The following AHI1 variants were observed in gnomAD, a reference collection of about 807,000 sequenced individuals.
The protein encoded by AHI1 is jouberin.
A neutral mutation model predicts 149.3 loss-of-function variants in AHI1; 123 were observed. That is an observed-to-expected ratio of 0.82 (90% CI 0.71 to 0.96). The LOEUF (loss-of-function observed/expected upper bound fraction) is 0.96, where lower values mean the gene tolerates loss of function less well. AHI1 is among the 40% of genes least tolerant of loss of function. AHI1 has a pLI of 0.00. For synonymous variants in AHI1, 475 were observed against 459.8 expected (o/e 1.03, Z -0.42); for missense variants, 1,439 against 1,422.7 (o/e 1.01, Z -0.18).
chr6:135,324,091 A>AG (rs1469284473), intron 24 of AHI1, among the ~76,000 whole-genome samples: 2 of 152,188 alleles, frequency 1.3e-5, no homozygotes, highest in Admixed American at 6.5e-5. Context: ...AGGCCGAGGC[A>AG]GGAGGACTGC....
chr6:135,328,559 A>G (rs957288601), intron 24 of AHI1, among the ~76,000 whole-genome samples: 9 of 152,000 alleles, frequency 5.9e-5, no homozygotes, highest in African/African-American at 2.2e-4. Flanking sequence ...TTCACCAACC[A>G]ACCTCCACCC....
In AHI1 at chr6:135,465,852, C is replaced by G; in HGVS notation, c.711G>C (p.Lys237Asn). The change falls in exon 7 of 29, where the codon AAG (lysine) becomes AAC (asparagine). Residue 237 changes from lysine (K) to asparagine (N), a missense_variant. Physicochemically the swap from Lys to Asn is moderately conservative, Grantham distance 94. Coordinates refer to ENST00000265602, the MANE Select transcript of AHI1 (RefSeq NM_001134831.2). ...DDKLSSEKRK[K>N]KKEVPVFSKA... The stretch of plus-strand genomic sequence containing the variant: ...TAGAGAAGACTGGAACTTCCTTTTT[C>G]TTTTTCCTTTTTTCACTGCTTAGTT... 1 of 1,482,180 alleles carries G rather than the reference C, an allele frequency of 6.7e-7. No homozygotes were observed. Among genetic ancestry groups the G allele is most frequent in the South Asian group, 1.6e-5 (1 of 63,852 alleles). The allele number at this position is 1,482,180 out of a possible 1,614,324, so 91.8% of individuals were successfully genotyped here.
intron 20 of AHI1, among the ~76,000 whole-genome samples, chr6:135,420,058 C>A (rs896811200): frequency 2.6e-5 from 4 of 152,154 alleles, no homozygotes; most frequent in Non-Finnish European, 1.5e-5. Context: ...TCATTCATAT[C>A]TTCAGGCTCT....
intron 23 of AHI1, among the ~76,000 whole-genome samples, chr6:135,391,833 T>C (rs1235198506): frequency 2.6e-5 from 4 of 152,154 alleles, no homozygotes; most frequent in African/African-American, 9.7e-5. Flanking sequence ...GGGAGAAAGA[T>C]TGGCTGAACT....
intron 23 of AHI1, among the ~76,000 whole-genome samples, chr6:135,372,083 C>T (rs1197871418): frequency 6.6e-6 from 1 of 152,216 alleles, no homozygotes; most frequent in Non-Finnish European, 1.5e-5. Context: ...AACTGGCATT[C>T]AGTCCCAGTC....
rs140714853 is a variant in AHI1 at position 135,487,811 on chromosome 6, C to T, written c.135+2812G>A. On this transcript the variant is annotated intron_variant, in intron 5 of 28. Transcript: ENST00000265602. ...ACTCCTTAACCAACTTCTCTTCATC[C>T]CTTCCTCTAAGATCTTAAGATGTTC... Among the ~76,000 whole-genome samples the T allele has an allele frequency of 3.9e-5, 6 of 152,228 alleles. No homozygotes were observed. The East Asian group carries it at 1.2e-3, about 29-fold the overall frequency.
At chr6:135,300,266 A>C (rs1204165185) in intron 27 of AHI1, among the ~76,000 whole-genome samples, 1 of 150,378 alleles carries the variant, frequency 6.6e-6, no homozygotes, top group African/African-American at 2.5e-5. Flanking sequence ...TGGAGGTTGC[A>C]GTGAGCTGAG....
intron 20 of AHI1, among the ~76,000 whole-genome samples, chr6:135,425,234 T>C (rs1355513700): frequency 6.6e-6 from 1 of 152,002 alleles, no homozygotes; most frequent in African/African-American, 2.4e-5. Flanking sequence ...ACTATTTGAA[T>C]ATTTAGATTT....
intron 20 of AHI1, 111 bp from the exon 21 acceptor site, chr6:135,411,655 C>G: frequency 1.2e-6 from 1 of 832,856 alleles, no homozygotes; most frequent in Middle Eastern, 2.9e-4. Context: ...ATCTTAAAAA[C>G]TGGGTAATAA....
chr6:135,404,160 C>T (rs1780418743), intron 22 of AHI1, among the ~76,000 whole-genome samples: 1 of 152,098 alleles, frequency 6.6e-6, no homozygotes, highest in Non-Finnish European at 1.5e-5. Context: ...GAATAGACGT[C>T]TAATTATTCA....
intron 23 of AHI1, among the ~76,000 whole-genome samples, chr6:135,362,312 C>T (rs371932188): frequency 2.0e-5 from 3 of 151,948 alleles, no homozygotes; most frequent in Admixed American, 1.3e-4. Flanking sequence ...TAGATGGTAG[C>T]GGGATTGCTG....
intron 26 of AHI1, among the ~76,000 whole-genome samples, chr6:135,304,288 A>G (rs1014212257): frequency 8.5e-5 from 13 of 152,098 alleles, no homozygotes; most frequent in Non-Finnish European, 1.9e-4. Context: ...CCTGGCCTCA[A>G]GCAATCCTCC....
intron 24 of AHI1, among the ~76,000 whole-genome samples, chr6:135,331,832 C>A (rs965162330): frequency 6.6e-6 from 1 of 152,164 alleles, no homozygotes; most frequent in Non-Finnish European, 1.5e-5. Flanking sequence ...GATCCCACCA[C>A]CTTCTTTATG....
intron 26 of AHI1, among the ~76,000 whole-genome samples, chr6:135,307,956 C>T (rs1303901909): frequency 6.6e-6 from 1 of 152,054 alleles, no homozygotes; most frequent in African/African-American, 2.4e-5. Context: ...AAAGAATTAT[C>T]CAGCCCCAAA....
At chr6:135,444,974 T>C (rs1483622447) in intron 13 of AHI1, among the ~76,000 whole-genome samples, 2 of 152,236 alleles carry the variant, frequency 1.3e-5, no homozygotes, top group Non-Finnish European at 2.9e-5. Flanking sequence ...TCTTTATACC[T>C]ACATTTCCTC....
intron 5 of AHI1, among the ~76,000 whole-genome samples, chr6:135,487,236 A>C (rs998917763): frequency 3.9e-5 from 6 of 152,146 alleles, no homozygotes; most frequent in African/African-American, 9.7e-5. Flanking sequence ...AAAGTGTAAT[A>C]ATCTATTTTA....
At chr6:135,317,346 T>G (rs967037428) in intron 26 of AHI1, among the ~76,000 whole-genome samples, 3 of 151,570 alleles carry the variant, frequency 2.0e-5, no homozygotes, top group Admixed American at 2.0e-4. Context: ...TCTCCTGTAC[T>G]TCTCTCTATT....
chr6:135,472,896 CAG>C (rs900855446), intron 5 of AHI1, among the ~76,000 whole-genome samples: 72 of 152,296 alleles, frequency 4.7e-4, no homozygotes, highest in African/African-American at 1.7e-3. Flanking sequence ...AACATTGTAT[CAG>C]ATAGTGCTTT....
At chr6:135,492,814 T>A in intron 3 of AHI1, 1 of 985,336 alleles carries the variant, frequency 1.0e-6, no homozygotes, top group Non-Finnish European at 1.2e-6. Flanking sequence ...AAAACCTGGA[T>A]GTGTATTACT....
Sources: allele counts gnomAD v4.1 joint callset (sites outside exome capture counted in the v4.1 genomes callset), GRCh38; gene constraint gnomAD v4.1.1; transcripts MANE v1.5; gene names NCBI Gene and HGNC (gene_info 2026-07-23, HGNC 2026-07-21).